FBN2: variants seen among roughly 807,000 people sequenced by gnomAD.
The protein encoded by FBN2 is fibrillin 2, also known as fibrillin-2.
In FBN2, 105 loss-of-function variants were observed where a neutral mutation model predicts 355.6. That is an observed-to-expected ratio of 0.30 (90% CI 0.25 to 0.35). The LOEUF (loss-of-function observed/expected upper bound fraction) is 0.35. Among genes scored for constraint, FBN2 ranks in the 10% least tolerant of loss-of-function variants. FBN2 has a pLI of 1.00. For synonymous variants in FBN2, 1,350 were observed against 1,301.2 expected (o/e 1.04, Z -0.81); for missense variants, 3,280 against 3,758.7 (o/e 0.87, Z 3.33).
chr5:128,263,475 C>T lies in FBN2; in HGVS notation c.8142G>A (p.Glu2714=), dbSNP rs760810090. 5.6e-6 allele frequency: 9 copies of T among 1,614,020 alleles called. No individual in the cohort carries two copies. The highest frequency in any genetic ancestry group is 5.5e-5 in the South Asian group (5 of 91,082). ...GGGGGCAGCCACAGAGGTAGCCCCC[C>T]TCCGTGTTAGAGCAGCCGTAATTGC... The part of the protein sequence containing the change: ...NPCNYGCSNT[E]GGYLCGCPPG... Residue 2714 remains glutamate, a synonymous_variant, in exon 63 of 65, where the codon GAG becomes GAA. Coordinates refer to ENST00000262464, the MANE Select transcript of FBN2 (RefSeq NM_001999.4).
At chr5:128,331,958 T>C (rs1042247322) in intron 32 of FBN2, among the ~76,000 whole-genome samples, 6 of 152,138 alleles carry the variant, frequency 3.9e-5, no homozygotes, top group Non-Finnish European at 8.8e-5. Context: ...AAAGTTATGA[T>C]AGTAACCCTG....
Position 128,427,201 on chromosome 5 carries a change from A to G in FBN2, c.953-18402T>C, listed in dbSNP as rs184542270. Among the ~76,000 whole-genome samples the G allele has an allele frequency of 5.3e-5, 8 of 152,130 alleles. No homozygotes were observed. In the East Asian group the frequency reaches 1.5e-3, roughly 29 times the overall value. On this transcript the variant is annotated intron_variant, in intron 7 of 64. Coordinates refer to ENST00000262464, the MANE Select transcript of FBN2 (RefSeq NM_001999.4). Reference sequence around the variant, plus strand: ...CTGCCCACCCCCCTGCCACTGCCCCACCAAGCATGGAAATAAAAGATAATC... The same window carrying G: ...CTGCCCACCCCCCTGCCACTGCCCCGCCAAGCATGGAAATAAAAGATAATC...
chr5:128,350,202 C>T (rs1751309034), intron 21 of FBN2, among the ~76,000 whole-genome samples, 197 bp from the exon 22 acceptor site: 1 of 152,194 alleles, frequency 6.6e-6, no homozygotes, highest in Non-Finnish European at 1.5e-5. Context: ...TTGGTATTGA[C>T]CTGTATTGAG....
At chr5:128,445,871 C>A (rs889972908) in intron 7 of FBN2, among the ~76,000 whole-genome samples, 1 of 152,022 alleles carries the variant, frequency 6.6e-6, no homozygotes, top group Non-Finnish European at 1.5e-5. Flanking sequence ...TTAAGAACTG[C>A]TAATGGAATT....
In FBN2 at chr5:128,527,957, G is replaced by A; in HGVS notation, c.447C>T (p.Cys149=). The change falls in exon 4 of 65, where the codon TGC becomes TGT. Residue 149 remains cysteine (C), a synonymous_variant. Transcript: ENST00000262464. ...STCGSKSIQQ[C]SVRCMNGGTC... ...TCCCACCATTCATGCATCTCACACT[G>A]CACTGCTGAACTGCAAAGAGCAATA... The A allele has an allele frequency of 1.9e-6, 3 of 1,609,690 alleles. No homozygotes were observed. Among genetic ancestry groups the A allele is most frequent in the Non-Finnish European group, 2.5e-6 (3 of 1,176,478 alleles).
At chr5:128,505,182 T>C (rs1755922936) in intron 5 of FBN2, among the ~76,000 whole-genome samples, 1 of 152,346 alleles carries the variant, frequency 6.6e-6, no homozygotes, top group African/African-American at 2.4e-5. Flanking sequence ...TTCTTGGTTA[T>C]GTCTTTATTA....
At chr5:128,427,203 C>A (rs1487107040) in intron 7 of FBN2, among the ~76,000 whole-genome samples, 1 of 152,082 alleles carries the variant, frequency 6.6e-6, no homozygotes, top group Non-Finnish European at 1.5e-5. Context: ...ACTGCCCCAC[C>A]AAGCATGGAA....
At chr5:128,343,808 T>C (rs1266056027) in intron 25 of FBN2, among the ~76,000 whole-genome samples, 1 of 152,258 alleles carries the variant, frequency 6.6e-6, no homozygotes, top group African/African-American at 2.4e-5. Flanking sequence ...TTAGTAGTCA[T>C]ATATTTTGAA....
chr5:128,307,092 C>T (rs761945831), intron 42 of FBN2, 43 bp downstream of exon 42: 5 of 1,184,966 alleles, frequency 4.2e-6, no homozygotes, highest in South Asian at 1.2e-5. Context: ...TTACAGAATG[C>T]TACACATATG....
chr5:128,506,275 C>T (rs912022779), intron 5 of FBN2, among the ~76,000 whole-genome samples: 2 of 152,112 alleles, frequency 1.3e-5, no homozygotes, highest in African/African-American at 4.8e-5. Context: ...AGAGATACCC[C>T]ACAATATTGA....
chr5:128,452,251 T>C (rs1458028996), intron 6 of FBN2, among the ~76,000 whole-genome samples: 1 of 152,186 alleles, frequency 6.6e-6, no homozygotes, highest in East Asian at 1.9e-4. Context: ...TGTACAGATG[T>C]TATCTTTGCT....
rs756798856 is a variant in FBN2, at chr5:128,286,834, G to A, written c.6896C>T (p.Ala2299Val). The change falls in exon 55 of 65, where the codon GCT becomes GTT. Residue 2299 changes from alanine (A) to valine (V), a missense_variant. This residue lies in a region of FBN2 where 2,284 missense variants were observed against 2,749.5 expected (regional missense o/e 0.83). Coordinates refer to ENST00000262464, the MANE Select transcript of FBN2 (RefSeq NM_001999.4). Reference sequence around the variant, plus strand: ...AGATTCACAGTCGTGTAACCCTTCAGCACATTCATCCAGATCTAGAACAAA... The same window carrying A: ...AGATTCACAGTCGTGTAACCCTTCAACACATTCATCCAGATCTAGAACAAA... ...QKMCKDLDEC[A>V]EGLHDCESRG... 6.2e-6 allele frequency: 10 copies of A among 1,613,850 alleles called. No homozygotes were observed. The East Asian group carries it at 1.6e-4, about 25-fold the overall frequency.
chr5:128,272,082 T>C lies in FBN2; in HGVS notation c.7877A>G (p.His2626Arg). 2 of 1,614,076 alleles carry C rather than the reference T, an allele frequency of 1.2e-6. No individual in the cohort carries two copies. The highest frequency in any genetic ancestry group is 1.7e-6 in the Non-Finnish European group (2 of 1,179,946). Residue 2626 changes from histidine (H) to arginine (R), a missense_variant, in exon 62 of 65, where the codon CAC becomes CGC. Around this residue, in one of 6 missense-constraint regions of FBN2, gnomAD observed 2,284 missense variants for 2,749.5 expected, o/e 0.83. Transcript: ENST00000262464. ...GCCACCCAGGATGTTCTGGCAGCCG[T>C]GTTGGCACCTGTGGTTCCCATCACA... Reference protein sequence around the residue: ...DECDGNHRCQHGCQNILGGYR... With the variant: ...DECDGNHRCQRGCQNILGGYR...
intron 62 of FBN2, among the ~76,000 whole-genome samples, chr5:128,264,439 C>T (rs185832179): frequency 4.8e-4 from 73 of 152,292 alleles, no homozygotes; most frequent in Non-Finnish European, 8.5e-4. Flanking sequence ...AGCTTTTACT[C>T]GCTTAATGAC....
In FBN2 at chr5:128,361,720, T is replaced by TA; in HGVS notation, c.2554+2dup. The TA allele has an allele frequency of 6.2e-7, 1 of 1,614,178 alleles. No homozygotes were observed. The highest frequency in any genetic ancestry group is 8.5e-7 in the Non-Finnish European group (1 of 1,179,992). ...CAAATAAGGCGATGAAGACAGCTCTTACCTTCACAGGTCTCTGTCTCAGTC... is the reference window on the plus strand; with the variant it reads ...CAAATAAGGCGATGAAGACAGCTCTTAACCTTCACAGGTCTCTGTCTCAGTC... On this transcript the variant is annotated splice_region_variant and intron_variant, in intron 19 of 64. Transcript: ENST00000262464.
intron 62 of FBN2, among the ~76,000 whole-genome samples, chr5:128,266,504 A>C (rs1327651157): frequency 6.6e-6 from 1 of 152,176 alleles, no homozygotes; most frequent in Non-Finnish European, 1.5e-5. Flanking sequence ...ATAAAGGGGA[A>C]CTGGGATACA....
At chr5:128,366,534 G>A in intron 16 of FBN2, 104 bp from the exon 17 acceptor site, 2 of 648,362 alleles carry the variant, frequency 3.1e-6, no homozygotes, top group South Asian at 4.0e-5. Flanking sequence ...AATTATTTGT[G>A]CATTAGTTTT....
At chr5:128,486,393 T>C (rs1755338252) in intron 5 of FBN2, among the ~76,000 whole-genome samples, 1 of 152,178 alleles carries the variant, frequency 6.6e-6, no homozygotes, top group Admixed American at 6.5e-5. Context: ...TCCAGCATAT[T>C]AGTCACCATT....
chr5:128,498,580 G>A (rs1581349958), intron 5 of FBN2, among the ~76,000 whole-genome samples: 1 of 152,236 alleles, frequency 6.6e-6, no homozygotes, highest in East Asian at 1.9e-4. Flanking sequence ...ATTTTTACAA[G>A]AGAGAGCTCA....
Sources: allele counts gnomAD v4.1 joint callset (sites outside exome capture counted in the v4.1 genomes callset), GRCh38; gene constraint gnomAD v4.1.1; regional missense constraint gnomAD v4.1.1; transcripts MANE v1.5; gene names NCBI Gene and HGNC (gene_info 2026-07-23, HGNC 2026-07-21).